Variants in MASP2 observed in about 807,000 individuals in gnomAD.
MASP2 encodes mannan-binding lectin serine protease 2.
MASP2 carries 49 observed loss-of-function variants against 57.1 expected under a neutral mutation model. The ratio of observed to expected loss-of-function variants is 0.86; its 90% CI spans 0.68 to 1.09. The LOEUF (loss-of-function observed/expected upper bound fraction) is 1.09. Ranked by LOEUF, MASP2 falls within the 50% of genes least tolerant of loss-of-function variation. The pLI is 0.00. For synonymous variants in MASP2, 379 were observed against 340.8 expected (o/e 1.11, Z -1.24); for missense variants, 900 against 874.8 (o/e 1.03, Z -0.36).
At chr1:11,040,031 A>G (rs1638376753) in intron 6 of MASP2, among the ~76,000 whole-genome samples, 1 of 145,240 alleles carries the variant, frequency 6.9e-6, no homozygotes, top group Non-Finnish European at 1.5e-5. Context: ...GTGGGTGGGT[A>G]GATGGACAGT....
In MASP2 at chr1:11,042,026, G is replaced by A. The variant is rs375223579; in HGVS notation, c.889+849C>T. 2.1e-5 allele frequency among the ~76,000 whole-genome samples: 3 copies of A among 139,846 alleles called. No homozygotes were observed. In the South Asian group the frequency reaches 7.0e-4, roughly 33 times the overall value. The allele number at this position is 139,846 out of a possible 152,430, so 91.7% of individuals were successfully genotyped here. A position where few individuals can be genotyped will look rare whatever the true frequency, so the allele number is the denominator to read the frequency against. ...GATGGATAAGTAGGTAGAACAATGG[G>A]TGGTTGGATAGATGGATGGCTGGCA... On this transcript the variant is annotated intron_variant, in intron 6 of 10. Coordinates refer to ENST00000400897, the MANE Select transcript of MASP2 (RefSeq NM_006610.4).
intron 6 of MASP2, among the ~76,000 whole-genome samples, chr1:11,042,046 C>A (rs1638468550): frequency 1.3e-5 from 1 of 79,352 alleles, no homozygotes; most frequent in Non-Finnish European, 2.5e-5. Flanking sequence ...AGATGGATGG[C>A]TGGCAGGATG....
In MASP2 at chr1:11,033,957, ACACACACACT is replaced by A. The variant is rs1198482742; in HGVS notation, c.1087+861_1087+870del. The stretch of plus-strand genomic sequence containing the variant: ...CACACACACACACACACACACACAC[ACACACACACT>A]CTCTCTCTCTCTCTCTCTCACACAC... On this transcript the variant is annotated intron_variant, in intron 8 of 10. Transcript: ENST00000400897. Among the ~76,000 whole-genome samples, 849 of 103,724 alleles carry A rather than the reference ACACACACACT, an allele frequency of 8.2e-3. 5 individuals are homozygous for A. Among genetic ancestry groups the A allele is most frequent in the Non-Finnish European group, 9.8e-3 (569 of 57,840 alleles). The allele number at this position is 103,724 out of a possible 152,430, so 68.0% of individuals were successfully genotyped here.
Position 11,046,574 on chromosome 1 carries a change from C to T in MASP2, c.394G>A (p.Ala132Thr). The T allele has an allele frequency of 6.2e-7, 1 of 1,613,896 alleles. No individual in the cohort carries two copies. Among genetic ancestry groups the T allele is most frequent in the Non-Finnish European group, 8.5e-7 (1 of 1,180,020 alleles). The change falls in exon 3 of 11, where the codon GCC becomes ACC. Residue 132 changes from alanine (A) to threonine (T), a missense_variant. Ala to Thr is a moderately conservative substitution (Grantham distance 58). Transcript: ENST00000400897. ...SNEKPFTGFEAFYAAEDIDEC... is the reference protein window; with the variant it reads ...SNEKPFTGFETFYAAEDIDEC... ...GGCTCACCCTCGGCTGCATAGAAGG[C>T]CTCGAACCCCGTGAACGGCTTCTCG...
chr1:11,028,458 T>C (rs1468191529), intron 10 of MASP2, among the ~76,000 whole-genome samples: 2 of 152,186 alleles, frequency 1.3e-5, no homozygotes. Context: ...GTTGCAGTTG[T>C]GGCTAGGACC....
rs759383807 is a variant in MASP2, at chr1:11,046,902, C to G, written c.223G>C (p.Asp75His). The G allele has an allele frequency of 4.3e-5, 68 of 1,567,808 alleles. No individual in the cohort carries two copies. Among genetic ancestry groups the G allele is most frequent in the Non-Finnish European group, 5.4e-5 (63 of 1,156,126 alleles). ...DLELSHLCEY[D>H]FVKLSSGAKV... ...CGTCCTGACGGCACCTTGACGAAGT[C>G]GTACTCGCAGAGGTGGGAGAGCTCC... Residue 75 changes from aspartate (D) to histidine (H), a missense_variant, in exon 2 of 11, where the codon GAC becomes CAC. Asp to His is a moderately conservative substitution (Grantham distance 81). Coordinates refer to ENST00000400897, the MANE Select transcript of MASP2 (RefSeq NM_006610.4).
At chr1:11,044,871 C>T (rs935433062) in intron 4 of MASP2, 18 of 1,569,158 alleles carry the variant, frequency 1.1e-5, no homozygotes. Flanking sequence ...CTCAGCCCAA[C>T]CCGGAGCTGA....
At position 11,043,469 on chromosome 1, in the gene MASP2, G is replaced by A. The variant is rs566765351; in HGVS notation, c.611C>T (p.Pro204Leu). ...AGTGCAACTGGAGAGTTTGGGATAC[G>A]GCCGTGGGTATTCAGGGCTGCTGAG... ...GELSSPEYPR[P>L]YPKLSSCTYS... is the part of the protein sequence containing the mutation. Residue 204 changes from proline to leucine, a missense_variant, in exon 5 of 11, where the codon CCG (proline) becomes CTG (leucine). Pro to Leu is a moderately conservative substitution (Grantham distance 98). Coordinates refer to ENST00000400897, the MANE Select transcript of MASP2 (RefSeq NM_006610.4). 14 of 1,610,138 alleles carry A rather than the reference G, an allele frequency of 8.7e-6. 1 individual carries two copies. The highest frequency in any genetic ancestry group is 6.7e-5 in the South Asian group (6 of 90,154).
chr1:11,036,629 CTTT>C (rs748876362), intron 7 of MASP2, among the ~76,000 whole-genome samples: 3 of 110,260 alleles, frequency 2.7e-5, no homozygotes, highest in Admixed American at 9.6e-5. Context: ...AAGTGTCTCT[CTTT>C]TTTTTTTTTT....
intron 6 of MASP2, among the ~76,000 whole-genome samples, chr1:11,038,522 C>T (rs1403490640): frequency 1.3e-5 from 2 of 152,222 alleles, no homozygotes; most frequent in East Asian, 3.8e-4. Flanking sequence ...CACCCCAAGG[C>T]TTCAGTGCTC....
In MASP2 at chr1:11,027,037, G is replaced by A. The variant is rs752089778; in HGVS notation, c.1909C>T (p.Leu637=). The A allele has an allele frequency of 1.9e-6, 3 of 1,595,894 alleles. No homozygotes were observed. The highest frequency in any genetic ancestry group is 2.3e-5 in the South Asian group (2 of 87,746). The change falls in exon 11 of 11, where the codon CTG becomes TTG. Residue 637 remains leucine, a synonymous_variant. Transcript: ENST00000400897. ...DSCRGDSGGA[L]VFLDSETERW... Reference sequence around the variant, plus strand: ...TCTGTTTCACTATCTAGAAACACCAGTGCCCCTCCGCTGTCACCTCTGCAG... The same window carrying A: ...TCTGTTTCACTATCTAGAAACACCAATGCCCCTCCGCTGTCACCTCTGCAG...
At chr1:11,031,350 C>T (rs1643840971) in intron 8 of MASP2, among the ~76,000 whole-genome samples, 1 of 150,818 alleles carries the variant, frequency 6.6e-6, no homozygotes, top group Non-Finnish European at 1.5e-5. Context: ...GGTGAAACCC[C>T]GTCTCTACTA....
chr1:11,046,554 A>G lies in MASP2; in HGVS notation c.412+2T>C, dbSNP rs757184509. 2 of 1,613,630 alleles carry G rather than the reference A, an allele frequency of 1.2e-6. No individual in the cohort carries two copies. The highest frequency in any genetic ancestry group is 1.7e-6 in the Non-Finnish European group (2 of 1,180,000). On this transcript the variant is annotated splice_donor_variant, in intron 3 of 10. Transcript: ENST00000400897. LOFTEE classifies it high-confidence loss of function. The stretch of plus-strand genomic sequence containing the variant: ...GATGTTGCAGGACCCCTCTTGGCTC[A>G]CCCTCGGCTGCATAGAAGGCCTCGA...
In MASP2 at chr1:11,037,380, C is replaced by A. The variant is rs139740423; in HGVS notation, c.1008+313G>T. ...CTGGGAATACAGGTGTGAGCCACCGCGCCTGGCCAAGTTGCCCATTTTAAT... is the reference window on the plus strand; with the variant it reads ...CTGGGAATACAGGTGTGAGCCACCGAGCCTGGCCAAGTTGCCCATTTTAAT... On this transcript the variant is annotated intron_variant, in intron 7 of 10. Transcript: ENST00000400897. Among the ~76,000 whole-genome samples the A allele has an allele frequency of 2.0e-3, 311 of 152,226 alleles. 3 individuals carry two copies. The highest frequency in any genetic ancestry group is 7.2e-3 in the African/African-American group (297 of 41,520).
Position 11,043,539 on chromosome 1 carries a change from G to A in MASP2, c.545-4C>T. On this transcript the variant is annotated splice_polypyrimidine_tract_variant and splice_region_variant and intron_variant, in intron 4 of 10. Coordinates refer to ENST00000400897, the MANE Select transcript of MASP2 (RefSeq NM_006610.4). ...AAGACCTGGCCGGAGCACAGGGCTG[G>A]AAGGAGGGAAGGCAGGGGAGTGACT... 1 of 1,589,750 alleles carries A rather than the reference G, an allele frequency of 6.3e-7. No homozygotes were observed. The highest frequency in any genetic ancestry group is 8.6e-7 in the Non-Finnish European group (1 of 1,168,784).
intron 6 of MASP2, among the ~76,000 whole-genome samples, chr1:11,039,615 ATGGATATATGGG>A (rs1638355293): frequency 3.2e-5 from 3 of 93,178 alleles, no homozygotes; most frequent in Non-Finnish European, 4.5e-5. Flanking sequence ...GGATGGATGG[ATGGATATATGGG>A]TGGATATATA....
chr1:11,043,754 G>T (rs944165877), intron 4 of MASP2, among the ~76,000 whole-genome samples: 1 of 152,082 alleles, frequency 6.6e-6, no homozygotes, highest in Admixed American at 6.5e-5. Flanking sequence ...TTAGAGAGGG[G>T]GTTTCTCTTG....
chr1:11,030,019 G>C (rs1371999106), intron 10 of MASP2, 157 bp downstream of exon 10: 2 of 575,668 alleles, frequency 3.5e-6, no homozygotes, highest in South Asian at 4.3e-5. Flanking sequence ...ATATGGGAAG[G>C]GGGTAATGAG....
intron 3 of MASP2, 27 bp downstream of exon 3, chr1:11,046,529 G>A (rs765403248): frequency 3.6e-5 from 58 of 1,613,134 alleles, no homozygotes; most frequent in Non-Finnish European, 4.4e-5. Context: ...CGCAGACTGA[G>A]ATGTTGCAGG....
Sources: gnomAD v4.1 joint callset for allele counts (sites outside exome capture counted in the v4.1 genomes callset) on GRCh38, gnomAD v4.1.1 for gene constraint, MANE v1.5 for transcripts, NCBI Gene and HGNC (gene_info 2026-07-23, HGNC 2026-07-21) for gene names.